The following PPP1R1C variants were observed in gnomAD, a reference collection of about 807,000 sequenced individuals.
PPP1R1C encodes protein phosphatase 1 regulatory subunit 1C.
In PPP1R1C, 15 loss-of-function variants were observed where a neutral mutation model predicts 17.4. That is an observed-to-expected ratio of 0.86 (90% CI 0.58 to 1.33). PPP1R1C has a LOEUF of 1.33. Among genes scored for constraint, PPP1R1C ranks in the 40% most tolerant of loss-of-function variants. The probability of loss-of-function intolerance (pLI) is 0.00; values close to 1 mark genes in which losing one functional copy is unlikely to be tolerated. For missense variants in PPP1R1C, 143 were observed against 130.0 expected (o/e 1.10, Z -0.48); for synonymous variants, 35 against 43.1 (o/e 0.81, Z 0.73).
At chr2:182,059,884 A>G (rs1158033860) in intron 2 of PPP1R1C, among the ~76,000 whole-genome samples, 3 of 152,144 alleles carry the variant, frequency 2.0e-5, no homozygotes, top group East Asian at 1.9e-4. Flanking sequence ...TCTAAAACAT[A>G]AAGTTATAGG....
At chr2:182,066,193 CT>C (rs1174046437) in intron 4 of PPP1R1C, among the ~76,000 whole-genome samples, 1 of 152,122 alleles carries the variant, frequency 6.6e-6, no homozygotes, top group African/African-American at 2.4e-5. Flanking sequence ...ACAGGTACAG[CT>C]TTCCATATTA....
At chr2:181,992,934 T>C (rs1196885459) in intron 2 of PPP1R1C, among the ~76,000 whole-genome samples, 4 of 152,124 alleles carry the variant, frequency 2.6e-5, no homozygotes, top group Admixed American at 2.6e-4. Flanking sequence ...AGAACTGAGA[T>C]GTGCAATTGC....
intron 4 of PPP1R1C, among the ~76,000 whole-genome samples, chr2:182,102,307 C>T (rs1199420777): frequency 6.6e-6 from 1 of 152,142 alleles, no homozygotes; most frequent in Non-Finnish European, 1.5e-5. Flanking sequence ...GTCAAAGGGC[C>T]TTTCTAGTAA....
At chr2:181,970,934 G>A (rs1684995379) in intron 1 of PPP1R1C, among the ~76,000 whole-genome samples, 1 of 152,062 alleles carries the variant, frequency 6.6e-6, no homozygotes, top group Non-Finnish European at 1.5e-5. Flanking sequence ...AGCTCATGGT[G>A]AATGCTGCCA....
rs142263475 is a variant in PPP1R1C at position 182,087,639 on chromosome 2, A to G, written c.241+23848A>G. Among the ~76,000 whole-genome samples, 347 of 152,236 alleles carry G rather than the reference A, an allele frequency of 2.3e-3. 1 individual carries two copies. The highest frequency in any genetic ancestry group is 7.4e-3 in the African/African-American group (309 of 41,540). On this transcript the variant is annotated intron_variant, in intron 4 of 4. Coordinates refer to ENST00000682840, the MANE Select transcript of PPP1R1C (RefSeq NM_001080545.3). ...AAATATCTGTTGAGTGAATGAATGGACTCTGAGTGACTGTGACTATAAGCT... is the reference window on the plus strand; with the variant it reads ...AAATATCTGTTGAGTGAATGAATGGGCTCTGAGTGACTGTGACTATAAGCT...
At chr2:182,056,528 T>A (rs1174912028) in intron 2 of PPP1R1C, among the ~76,000 whole-genome samples, 1 of 152,132 alleles carries the variant, frequency 6.6e-6, no homozygotes, top group Non-Finnish European at 1.5e-5. Context: ...ACTTTTTTCC[T>A]CACATTTCCA....
At chr2:182,060,692 A>G (rs991404399) in intron 2 of PPP1R1C, among the ~76,000 whole-genome samples, 1 of 152,112 alleles carries the variant, frequency 6.6e-6, no homozygotes, top group African/African-American at 2.4e-5. Flanking sequence ...CTTCTCATTC[A>G]GTTTTTGGAT....
intron 4 of PPP1R1C, among the ~76,000 whole-genome samples, chr2:182,101,917 C>T (rs1040215070): frequency 6.6e-6 from 1 of 152,164 alleles, no homozygotes; most frequent in Non-Finnish European, 1.5e-5. Flanking sequence ...CCTTCAATGT[C>T]TGCTGATCTA....
chr2:182,015,277 T>A lies in PPP1R1C; in HGVS notation c.142+27378T>A, dbSNP rs111238069. Among the ~76,000 whole-genome samples the A allele has an allele frequency of 3.9e-5, 6 of 152,268 alleles. 1 individual carries two copies. Among genetic ancestry groups the A allele is most frequent in the African/African-American group, 1.4e-4 (6 of 41,554 alleles). On this transcript the variant is annotated intron_variant, in intron 2 of 4. Transcript: ENST00000682840. ...GTAGTAGTGAATAAGTCTCATGAGATGTGATGGTTTTATAAGGTTCTCATT... is the reference window on the plus strand; with the variant it reads ...GTAGTAGTGAATAAGTCTCATGAGAAGTGATGGTTTTATAAGGTTCTCATT...
chr2:182,114,626 G>A (rs1399962401), intron 4 of PPP1R1C, among the ~76,000 whole-genome samples: 2 of 152,152 alleles, frequency 1.3e-5, no homozygotes, highest in African/African-American at 4.8e-5. Context: ...CCAATTGAAA[G>A]ATGGTATTAG....
intron 4 of PPP1R1C, among the ~76,000 whole-genome samples, chr2:182,075,451 G>T (rs1288967640): frequency 6.6e-6 from 1 of 152,206 alleles, no homozygotes. Context: ...TTAAAAGCCA[G>T]TTGGTCCTCT....
chr2:182,095,942 T>C (rs1329231573), intron 4 of PPP1R1C, among the ~76,000 whole-genome samples: 2 of 148,376 alleles, frequency 1.3e-5, no homozygotes, highest in Admixed American at 1.4e-4. Context: ...GCCACTGCAC[T>C]CCAGCCTGGG....
Position 182,097,343 on chromosome 2 carries a change from C to T in PPP1R1C, c.242-19864C>T, listed in dbSNP as rs565809908. Among the ~76,000 whole-genome samples the T allele has an allele frequency of 8.3e-4, 126 of 152,270 alleles. 1 individual carries two copies. Among genetic ancestry groups the T allele is most frequent in the African/African-American group, 2.9e-3 (119 of 41,564 alleles). On this transcript the variant is annotated intron_variant, in intron 4 of 4. Transcript: ENST00000682840. The stretch of plus-strand genomic sequence containing the variant: ...ACACAGACTCACTCCTGAACACATA[C>T]ACTCACACATCACACATTCTCTCTT...
chr2:182,010,112 G>C (rs1360018576), intron 2 of PPP1R1C, among the ~76,000 whole-genome samples: 1 of 144,502 alleles, frequency 6.9e-6, no homozygotes, highest in Admixed American at 7.3e-5. Context: ...GCTCTTTTGT[G>C]ATTCCTGTAA....
At chr2:181,988,298 G>T (rs1039388706) in intron 2 of PPP1R1C, among the ~76,000 whole-genome samples, 1 of 152,202 alleles carries the variant, frequency 6.6e-6, no homozygotes, top group Non-Finnish European at 1.5e-5. Flanking sequence ...ATATGGAAAA[G>T]GTTGACATGG....
intron 4 of PPP1R1C, among the ~76,000 whole-genome samples, chr2:182,089,334 G>C (rs1688717419): frequency 1.3e-5 from 2 of 152,144 alleles, no homozygotes; most frequent in African/African-American, 4.8e-5. Flanking sequence ...AGCTTGGAAA[G>C]GGTAGTAGAA....
intron 2 of PPP1R1C, among the ~76,000 whole-genome samples, chr2:182,018,315 C>T (rs1331388425): frequency 1.3e-5 from 2 of 152,096 alleles, no homozygotes; most frequent in African/African-American, 4.8e-5. Context: ...GAACAGCTAA[C>T]AGAAATGAGA....
At chr2:181,984,395 T>A (rs765013403), upstream of PPP1R1C, among the ~76,000 whole-genome samples, 13 of 152,230 alleles carry the variant, frequency 8.5e-5, no homozygotes, top group Non-Finnish European at 1.8e-4. Context: ...TTTCCTTTTA[T>A]ATAATTTGAA....
chr2:182,022,228 A>C (rs1363778795), intron 2 of PPP1R1C, among the ~76,000 whole-genome samples: 1 of 152,210 alleles, frequency 6.6e-6, no homozygotes, highest in Non-Finnish European at 1.5e-5. Context: ...TCTTCACCTG[A>C]AGTCAATTTA....
Sources: allele counts gnomAD v4.1 joint callset (sites outside exome capture counted in the v4.1 genomes callset), GRCh38; gene constraint gnomAD v4.1.1; transcripts MANE v1.5; gene names NCBI Gene and HGNC (gene_info 2026-07-23, HGNC 2026-07-21).